The following PINX1 variants were observed in gnomAD, a reference collection of about 807,000 sequenced individuals.
The protein encoded by PINX1 is PIN2 (TERF1) interacting telomerase inhibitor 1.
PINX1 carries 34 observed loss-of-function variants against 25.4 expected under a neutral mutation model. That is an observed-to-expected ratio of 1.34 (90% CI 1.02 to 1.78). The LOEUF is 1.78. Ranked by LOEUF, PINX1 falls within the 40% of genes most tolerant of loss-of-function variation. PINX1 has a pLI of 0.00. For synonymous variants in PINX1, 197 were observed against 147.7 expected (o/e 1.33, Z -2.42); for missense variants, 592 against 404.9 (o/e 1.46, Z -3.97).
intron 6 of PINX1, among the ~76,000 whole-genome samples, chr8:10,791,302 T>A (rs939406893): frequency 6.6e-6 from 1 of 152,152 alleles, no homozygotes; most frequent in African/African-American, 2.4e-5. Context: ...TTTTTCAACA[T>A]CCAGCTGCAG....
intron 6 of PINX1, among the ~76,000 whole-genome samples, chr8:10,811,253 C>G (rs923988345): frequency 6.6e-6 from 1 of 152,214 alleles, no homozygotes; most frequent in Non-Finnish European, 1.5e-5. Context: ...GGCTCAAATG[C>G]AGGCATATGA....
chr8:10,802,054 AC>A (rs1390223280), intron 6 of PINX1, among the ~76,000 whole-genome samples: 7 of 152,338 alleles, frequency 4.6e-5, no homozygotes, highest in Non-Finnish European at 2.9e-5. Flanking sequence ...TGGAAGATGT[AC>A]AAAGAAGAAA....
At chr8:10,825,678 C>T (rs1486703631) in intron 5 of PINX1, among the ~76,000 whole-genome samples, 3 of 152,148 alleles carry the variant, frequency 2.0e-5, no homozygotes, top group Admixed American at 2.0e-4. Flanking sequence ...GGAGAAATTA[C>T]GTGGAATAAA....
chr8:10,773,684 A>G (rs2129071752), intron 6 of PINX1, among the ~76,000 whole-genome samples: 1 of 152,306 alleles, frequency 6.6e-6, no homozygotes. Context: ...ATGCCTAACC[A>G]GCTATTCCGA....
intron 6 of PINX1, among the ~76,000 whole-genome samples, chr8:10,818,995 T>C (rs1281515522): frequency 1.3e-5 from 2 of 152,258 alleles, no homozygotes; most frequent in African/African-American, 2.4e-5. Flanking sequence ...CATGGCTCTT[T>C]CCAGCAGCCC....
intron 6 of PINX1, among the ~76,000 whole-genome samples, chr8:10,779,797 A>C (rs1402734676): frequency 6.6e-6 from 1 of 152,224 alleles, no homozygotes; most frequent in Non-Finnish European, 1.5e-5. Flanking sequence ...TTATAGTTTT[A>C]TACATGTAAC....
chr8:10,800,474 T>TC, intron 6 of PINX1, among the ~76,000 whole-genome samples: 2 of 151,810 alleles, frequency 1.3e-5, no homozygotes, highest in Admixed American at 1.3e-4. Context: ...AATAAACTTT[T>TC]TTTTTTTTTT....
At chr8:10,798,259 T>A (rs2129078917) in intron 6 of PINX1, among the ~76,000 whole-genome samples, 1 of 152,358 alleles carries the variant, frequency 6.6e-6, no homozygotes, top group Non-Finnish European at 1.5e-5. Flanking sequence ...CGTGTATGCA[T>A]ACTCACATGT....
intron 6 of PINX1, among the ~76,000 whole-genome samples, chr8:10,802,712 G>C (rs931736324): frequency 8.5e-5 from 13 of 152,142 alleles, no homozygotes; most frequent in Admixed American, 4.6e-4. Context: ...ATGGGATCTG[G>C]GCGAAGATCT....
In PINX1 at chr8:10,834,394, G is replaced by A. The variant is rs550530446; in HGVS notation, c.129+272C>T. The A allele has an allele frequency of 4.4e-4, 177 of 398,824 alleles. 1 individual carries two copies. The highest frequency in any genetic ancestry group is 3.4e-3 in the African/African-American group (164 of 48,736). The allele number at this position is 398,824 out of a possible 1,614,324, so 24.7% of individuals were successfully genotyped here. On this transcript the variant is annotated intron_variant, in intron 2 of 6. Coordinates refer to ENST00000314787, the MANE Select transcript of PINX1 (RefSeq NM_017884.6). The stretch of plus-strand genomic sequence containing the variant: ...TAGAGGTATCAGCAGAGGCTCTACT[G>A]GAGTCAAGAATAAATGGAAAGGGAA...
At chr8:10,767,240 T>C (rs1327196156) in intron 6 of PINX1, among the ~76,000 whole-genome samples, 2 of 152,132 alleles carry the variant, frequency 1.3e-5, no homozygotes, top group Non-Finnish European at 2.9e-5. Context: ...AAACCACCTA[T>C]AAACAGACCC....
At chr8:10,815,534 G>C (rs1167410860) in intron 6 of PINX1, among the ~76,000 whole-genome samples, 1 of 152,104 alleles carries the variant, frequency 6.6e-6, no homozygotes, top group Non-Finnish European at 1.5e-5. Context: ...CATAGTCTTA[G>C]ATTTTAAAGC....
chr8:10,812,010 G>A (rs910527560), intron 6 of PINX1, among the ~76,000 whole-genome samples: 11 of 152,144 alleles, frequency 7.2e-5, no homozygotes, highest in Admixed American at 4.6e-4. Flanking sequence ...ACACAAACAA[G>A]TAACTCAAGA....
chr8:10,783,167 T>G (rs1253661879), intron 6 of PINX1, among the ~76,000 whole-genome samples: 3 of 152,250 alleles, frequency 2.0e-5, no homozygotes, highest in African/African-American at 7.2e-5. Flanking sequence ...ATGACATTTA[T>G]GAACATTGAG....
intron 1 of PINX1, among the ~76,000 whole-genome samples, chr8:10,837,964 A>G (rs1183871020): frequency 6.6e-6 from 1 of 152,248 alleles, no homozygotes; most frequent in African/African-American, 2.4e-5. Context: ...GTATACTCTT[A>G]TAACATATAA....
chr8:10,793,455 TAAAAA>T (rs1021463567), intron 6 of PINX1, among the ~76,000 whole-genome samples: 2 of 152,054 alleles, frequency 1.3e-5, no homozygotes, highest in Non-Finnish European at 2.9e-5. Flanking sequence ...ATGTGCTATT[TAAAAA>T]AAATTGCAAA....
chr8:10,779,596 T>A (rs966952937), intron 6 of PINX1, among the ~76,000 whole-genome samples: 1 of 152,192 alleles, frequency 6.6e-6, no homozygotes, highest in African/African-American at 2.4e-5. Context: ...CTGTAACTAT[T>A]GTGTGTATAA....
intron 3 of PINX1, 26 bp from the exon 4 acceptor site, chr8:10,831,769 G>C (rs1409840942): frequency 2.9e-6 from 4 of 1,389,226 alleles, no homozygotes; most frequent in Non-Finnish European, 3.0e-6. Flanking sequence ...AAATGAACGA[G>C]AGGTAAGCCT....
chr8:10,771,478 G>A (rs1025635432), intron 6 of PINX1: 7 of 152,182 alleles, frequency 4.6e-5, no homozygotes, highest in Non-Finnish European at 5.9e-5. Flanking sequence ...TCTATTTTCT[G>A]TATTTGTTTA....
Sources: allele counts gnomAD v4.1 joint callset (sites outside exome capture counted in the v4.1 genomes callset), GRCh38; gene constraint gnomAD v4.1.1; transcripts MANE v1.5; gene names NCBI Gene and HGNC (gene_info 2026-07-23, HGNC 2026-07-21).